STAC: variants seen among roughly 807,000 people sequenced by gnomAD.
STAC encodes the protein SH3 and cysteine-rich domain-containing protein.
STAC carries 43 observed loss-of-function variants against 48.8 expected under a neutral mutation model. That is an observed-to-expected ratio of 0.88 (90% CI 0.69 to 1.14). The LOEUF is 1.14. Among genes scored for constraint, STAC ranks in the 50% most tolerant of loss-of-function variants. STAC has a pLI of 0.00. For missense variants in STAC, 497 were observed against 504.0 expected (o/e 0.99, Z 0.13); for synonymous variants, 193 against 179.5 (o/e 1.07, Z -0.60).
intron 1 of STAC, among the ~76,000 whole-genome samples, chr3:36,411,546 T>G (rs1700194894): frequency 6.6e-6 from 1 of 152,140 alleles, no homozygotes; most frequent in South Asian, 2.1e-4. Context: ...AAACTGACTC[T>G]TAAAAGAAGT....
chr3:36,388,282 T>C (rs1699667140), intron 1 of STAC, among the ~76,000 whole-genome samples: 1 of 152,170 alleles, frequency 6.6e-6, no homozygotes, highest in Admixed American at 6.5e-5. Flanking sequence ...TGCCTTTTTA[T>C]TACTTGTCTT....
At chr3:36,430,484 C>T (rs1472187702) in intron 1 of STAC, among the ~76,000 whole-genome samples, 20 of 152,182 alleles carry the variant, frequency 1.3e-4, no homozygotes, top group Non-Finnish European at 2.9e-5. Flanking sequence ...ACAATCTGCC[C>T]AGGTTTCCAT....
At chr3:36,528,671 C>A in intron 8 of STAC, 25 bp from the exon 9 acceptor site, 1 of 1,550,528 alleles carries the variant, frequency 6.4e-7, no homozygotes, top group Admixed American at 2.0e-5. Context: ...TTTCCTTTAC[C>A]TAACTCATTC....
intron 5 of STAC, among the ~76,000 whole-genome samples, chr3:36,488,484 G>T (rs1187685239): frequency 1.3e-5 from 2 of 152,104 alleles, no homozygotes; most frequent in African/African-American, 4.8e-5. Flanking sequence ...GTTCCCAGGG[G>T]TCTGCTTTTG....
chr3:36,509,056 AGTT>A (rs1349569835), intron 8 of STAC, among the ~76,000 whole-genome samples: 2 of 152,116 alleles, frequency 1.3e-5, no homozygotes, highest in Non-Finnish European at 2.9e-5. Context: ...GGCTAGTACC[AGTT>A]GTTCCTTTCC....
At chr3:36,483,298 G>A (rs1156455708) in intron 3 of STAC, among the ~76,000 whole-genome samples, 1 of 152,236 alleles carries the variant, frequency 6.6e-6, no homozygotes, top group East Asian at 1.9e-4. Context: ...CACCTTGAAA[G>A]GGAGTCAGGG....
intron 2 of STAC, among the ~76,000 whole-genome samples, chr3:36,464,392 G>A (rs1215545583): frequency 6.6e-6 from 1 of 151,848 alleles, no homozygotes; most frequent in Non-Finnish European, 1.5e-5. Flanking sequence ...TAAACTTGTT[G>A]GAGTTCATTG....
chr3:36,512,869 G>A (rs1383195547), intron 8 of STAC, among the ~76,000 whole-genome samples: 1 of 152,122 alleles, frequency 6.6e-6, no homozygotes, highest in East Asian at 1.9e-4. Context: ...CAATCCTTTG[G>A]GAATGCTTTG....
intron 1 of STAC, among the ~76,000 whole-genome samples, chr3:36,411,063 C>G (rs571956989): frequency 1.4e-4 from 21 of 152,286 alleles, no homozygotes; most frequent in Admixed American, 5.9e-4. Flanking sequence ...AATGGCCACT[C>G]CCTCCAATGG....
At chr3:36,526,930 T>C (rs1305316313) in intron 8 of STAC, among the ~76,000 whole-genome samples, 2 of 152,196 alleles carry the variant, frequency 1.3e-5, no homozygotes, top group East Asian at 1.9e-4. Flanking sequence ...CTACAGCTAT[T>C]AGGATAGGAG....
chr3:36,532,110 C>G (rs551712792), intron 10 of STAC, among the ~76,000 whole-genome samples: 1 of 152,146 alleles, frequency 6.6e-6, no homozygotes, highest in Non-Finnish European at 1.5e-5. Context: ...TGCACACACA[C>G]AACACACACA....
intron 1 of STAC, among the ~76,000 whole-genome samples, chr3:36,418,215 T>C (rs1393379676): frequency 6.6e-6 from 1 of 152,226 alleles, no homozygotes; most frequent in Non-Finnish European, 1.5e-5. Flanking sequence ...GCTTCTTGCT[T>C]CATCAATATG....
chr3:36,461,669 G>C (rs1213055344), intron 2 of STAC, among the ~76,000 whole-genome samples: 1 of 152,194 alleles, frequency 6.6e-6, no homozygotes, highest in Non-Finnish European at 1.5e-5. Context: ...GTCAGAATGA[G>C]AGTCATCAAG....
chr3:36,528,657 T>G (rs1698992660), intron 8 of STAC, 39 bp from the exon 9 acceptor site: 1 of 1,519,846 alleles, frequency 6.6e-7, no homozygotes, highest in East Asian at 2.3e-5. Flanking sequence ...TATTTTTCTT[T>G]TTTTTTCCTT....
At chr3:36,536,881 G>A (rs905610898) in intron 10 of STAC, among the ~76,000 whole-genome samples, 1 of 151,280 alleles carries the variant, frequency 6.6e-6, no homozygotes, top group African/African-American at 2.4e-5. Flanking sequence ...ATAAAAAGTG[G>A]GCAAAGGACA....
At chr3:36,487,115 G>T (rs1329202324) in intron 5 of STAC, among the ~76,000 whole-genome samples, 1 of 152,244 alleles carries the variant, frequency 6.6e-6, no homozygotes, top group Non-Finnish European at 1.5e-5. Context: ...GGGAAGAGGG[G>T]CAGGGCACAT....
At chr3:36,413,398 C>T (rs57730884) in intron 1 of STAC, among the ~76,000 whole-genome samples, 3,530 of 152,198 alleles carry the variant, frequency 0.023, 60 homozygotes, top group East Asian at 0.026. Context: ...TTAGCTCTTG[C>T]TGTTGAATTG....
intron 8 of STAC, among the ~76,000 whole-genome samples, chr3:36,510,068 A>C (rs1698498070): frequency 6.6e-6 from 1 of 152,166 alleles, no homozygotes; most frequent in Admixed American, 6.6e-5. Context: ...CCATCTGACA[A>C]AGGGCTAATA....
chr3:36,440,797 AG>A (rs1300087282), intron 1 of STAC, among the ~76,000 whole-genome samples: 9 of 152,326 alleles, frequency 5.9e-5, no homozygotes, highest in South Asian at 2.1e-4. Flanking sequence ...AGTGGAACTT[AG>A]GGGGTTAAGA....
Sources: gnomAD v4.1 joint callset for allele counts (sites outside exome capture counted in the v4.1 genomes callset) on GRCh38, gnomAD v4.1.1 for gene constraint, MANE v1.5 for transcripts, NCBI Gene and HGNC (gene_info 2026-07-23, HGNC 2026-07-21) for gene names.